Variants in LNX1 observed in about 807,000 individuals in gnomAD.
The protein encoded by LNX1 is E3 ubiquitin-protein ligase LNX.
A neutral mutation model predicts 68.4 loss-of-function variants in LNX1; 54 were observed. That is an observed-to-expected ratio of 0.79 (90% CI 0.63 to 0.99). The LOEUF (loss-of-function observed/expected upper bound fraction) is 0.99. Among genes scored for constraint, LNX1 ranks in the 50% least tolerant of loss-of-function variants. LNX1 has a pLI of 0.00. For missense variants in LNX1, 906 were observed against 926.4 expected (o/e 0.98, Z 0.29); for synonymous variants, 336 against 350.0 (o/e 0.96, Z 0.45).
chr4:53,533,537 T>C (rs772323835), intron 2 of LNX1, among the ~76,000 whole-genome samples: 16 of 152,212 alleles, frequency 1.1e-4, no homozygotes, highest in Non-Finnish European at 2.1e-4. Context: ...TAGCTGGGAC[T>C]ACAGGCACAT....
At chr4:53,561,345 A>G (rs563524269) in intron 2 of LNX1, among the ~76,000 whole-genome samples, 1 of 152,164 alleles carries the variant, frequency 6.6e-6, no homozygotes, top group African/African-American at 2.4e-5. Flanking sequence ...CTCCTGCCTC[A>G]GCCTCCCGAG....
At position 53,501,299 on chromosome 4, in the gene LNX1, T is replaced by TTTGGGG. The variant is rs56165716; in HGVS notation, c.776-2457_776-2456insCCCCAA. Among the ~76,000 whole-genome samples the TTTGGGG allele has an allele frequency of 1.9e-3, 72 of 38,806 alleles. 8 individuals carry two copies. Among genetic ancestry groups the TTTGGGG allele is most frequent in the Non-Finnish European group, 3.5e-3 (51 of 14,382 alleles). The allele number at this position is 38,806 out of a possible 152,430, so 25.5% of individuals were successfully genotyped here. On this transcript the variant is annotated intron_variant, in intron 4 of 10. Transcript: ENST00000263925. Reference sequence around the variant, plus strand: ...TAATAATCTTTTTTTTTTTTTTTTTTGGGGGTGGGGGGACAGGATCTCACT... The same window carrying TTTGGGG: ...TAATAATCTTTTTTTTTTTTTTTTTTTTGGGGGGGGGTGGGGGGACAGGATCTCACT...
At chr4:53,509,396 AG>A (rs1357530297) in intron 2 of LNX1, among the ~76,000 whole-genome samples, 1 of 152,218 alleles carries the variant, frequency 6.6e-6, no homozygotes, top group African/African-American at 2.4e-5. Flanking sequence ...ATGAAATCAA[AG>A]GTCAGTCTAC....
chr4:53,593,314 C>T (rs1227101419), upstream of LNX1, among the ~76,000 whole-genome samples: 1 of 152,106 alleles, frequency 6.6e-6, no homozygotes, highest in Admixed American at 6.5e-5. Context: ...TTGCCTTTGG[C>T]GAAGGGCAGG....
chr4:53,534,433 T>TC (rs1199242126), intron 2 of LNX1, among the ~76,000 whole-genome samples: 1 of 151,856 alleles, frequency 6.6e-6, no homozygotes, highest in African/African-American at 2.4e-5. Context: ...GCCTAGGAGA[T>TC]CCAGAGCAGC....
At position 53,460,870 on chromosome 4, in the gene LNX1, T is replaced by A; in HGVS notation, c.*37A>T. On this transcript the variant is annotated 3_prime_UTR_variant, in exon 11 of 11. Coordinates refer to ENST00000263925, the MANE Select transcript of LNX1 (RefSeq NM_001126328.3). ...TAGTGTTTCAACTTCTTAGCCTATT[T>A]GTGATTTTTCTGTTTTCCTCTGACC... 1 of 1,544,486 alleles carries A rather than the reference T, an allele frequency of 6.5e-7. No individual in the cohort carries two copies. Among genetic ancestry groups the A allele is most frequent in the Non-Finnish European group, 8.8e-7 (1 of 1,130,822 alleles).
intron 2 of LNX1, among the ~76,000 whole-genome samples, chr4:53,526,941 A>G (rs982493075): frequency 9.2e-5 from 14 of 151,998 alleles, no homozygotes; most frequent in African/African-American, 3.1e-4. Context: ...TAAGAGACAC[A>G]ATCATTATGC....
chr4:53,568,818 A>G (rs1372620876), intron 2 of LNX1, among the ~76,000 whole-genome samples: 2 of 152,196 alleles, frequency 1.3e-5, no homozygotes, highest in Non-Finnish European at 2.9e-5. Context: ...GCAAAGTCTC[A>G]GGACACAAAA....
chr4:53,468,522 G>C (rs28828807), intron 9 of LNX1, among the ~76,000 whole-genome samples: 11,523 of 152,186 alleles, frequency 0.076, 727 homozygotes, highest in South Asian at 0.28. Context: ...TGGGCTAAAT[G>C]CTCCAATTAA....
At chr4:53,532,440 C>G (rs1281779394) in intron 2 of LNX1, among the ~76,000 whole-genome samples, 2 of 151,512 alleles carry the variant, frequency 1.3e-5, no homozygotes, top group African/African-American at 4.8e-5. Flanking sequence ...GACTCCATCT[C>G]AAATAAATAA....
intron 1 of LNX1, among the ~76,000 whole-genome samples, chr4:53,651,331 A>C (rs531306421): frequency 6.6e-5 from 10 of 152,314 alleles, no homozygotes; most frequent in Middle Eastern, 3.4e-3. Flanking sequence ...TTCCTTGGGC[A>C]CCGGACTTGC....
At chr4:53,505,033 C>T (rs1184369518) in intron 4 of LNX1, among the ~76,000 whole-genome samples, 1 of 152,046 alleles carries the variant, frequency 6.6e-6, no homozygotes, top group African/African-American at 2.4e-5. Context: ...AAAAATGGAG[C>T]AAACAGACTT....
chr4:53,506,003 C>T (rs1725844604), intron 4 of LNX1, among the ~76,000 whole-genome samples: 1 of 152,160 alleles, frequency 6.6e-6, no homozygotes, highest in Admixed American at 6.5e-5. Flanking sequence ...GAGAGGCAAT[C>T]ATGAATAAGT....
At chr4:53,625,999 A>G (rs937326016) in intron 1 of LNX1, among the ~76,000 whole-genome samples, 1 of 152,134 alleles carries the variant, frequency 6.6e-6, no homozygotes. Context: ...ATTTCCACCA[A>G]CTGGTGAATG....
intron 2 of LNX1, among the ~76,000 whole-genome samples, chr4:53,548,402 T>A (rs1729257931): frequency 6.6e-6 from 1 of 152,248 alleles, no homozygotes; most frequent in East Asian, 1.9e-4. Flanking sequence ...GATGTATTAA[T>A]GTAGTAGTAT....
At chr4:53,601,781 G>A (rs1330794555) in intron 2 of LNX1, among the ~76,000 whole-genome samples, 1 of 152,128 alleles carries the variant, frequency 6.6e-6, no homozygotes, top group Non-Finnish European at 1.5e-5. Flanking sequence ...TCTCAAGATG[G>A]CATCTTCTCC....
intron 1 of LNX1, among the ~76,000 whole-genome samples, chr4:53,590,871 T>C (rs1202637606): frequency 6.6e-6 from 1 of 152,116 alleles, no homozygotes; most frequent in African/African-American, 2.4e-5. Flanking sequence ...ACGCACAGCT[T>C]CTGAATAGGG....
At chr4:53,642,554 C>T (rs574242108) in intron 1 of LNX1, among the ~76,000 whole-genome samples, 21 of 152,198 alleles carry the variant, frequency 1.4e-4, no homozygotes, top group South Asian at 1.0e-3. Context: ...ATATGTGGCA[C>T]GGTTATTCTT....
At chr4:53,561,195 G>A (rs1053765771) in intron 2 of LNX1, among the ~76,000 whole-genome samples, 8 of 152,068 alleles carry the variant, frequency 5.3e-5, no homozygotes, top group African/African-American at 1.9e-4. Flanking sequence ...ACTAATACAT[G>A]CTTACTTTTC....
Sources: gnomAD v4.1 joint callset for allele counts (sites outside exome capture counted in the v4.1 genomes callset) on GRCh38, gnomAD v4.1.1 for gene constraint, MANE v1.5 for transcripts, NCBI Gene and HGNC (gene_info 2026-07-23, HGNC 2026-07-21) for gene names.